ACSBG1: variants seen among roughly 807,000 people sequenced by gnomAD.
ACSBG1 encodes long-chain-fatty-acid--CoA ligase ACSBG1.
In ACSBG1, 39 loss-of-function variants were observed where a neutral mutation model predicts 80.2. That is an observed-to-expected ratio of 0.49 (90% CI 0.38 to 0.64). ACSBG1 has a LOEUF of 0.64. ACSBG1 is among the 30% of genes least tolerant of loss of function. The pLI, the probability that ACSBG1 is intolerant of heterozygous loss-of-function variation, is 0.00. For missense variants in ACSBG1, 828 were observed against 966.4 expected (o/e 0.86, Z 1.90); for synonymous variants, 392 against 379.5 (o/e 1.03, Z -0.38).
intron 1 of ACSBG1, among the ~76,000 whole-genome samples, chr15:78,224,032 CCCA>C (rs544708516): frequency 6.6e-6 from 1 of 152,058 alleles, no homozygotes; most frequent in Admixed American, 6.5e-5. Context: ...TTGACTTTAG[CCCA>C]CCGAAACCAA....
At position 78,194,580 on chromosome 15, in the gene ACSBG1, G is replaced by T. The variant is rs752554930; in HGVS notation, c.379C>A (p.Gln127Lys). ...TAGGAGATGTGTTCCCACTTGTCCT[G>T]GCGCTTGAAGCCCAAAGCGATGAGG... ...GDLIALGFKR[Q>K]DKWEHISYSQ... is the part of the protein sequence containing the mutation. The change falls in exon 3 of 14, where the codon CAG (glutamine) becomes AAG (lysine). Residue 127 changes from glutamine to lysine, a missense_variant. Gln to Lys is a moderately conservative substitution (Grantham distance 53). Transcript: ENST00000258873. 1 of 1,614,260 alleles carries T rather than the reference G, an allele frequency of 6.2e-7. No homozygotes were observed. The highest frequency in any genetic ancestry group is 1.6e-4 in the Middle Eastern group (1 of 6,062).
At chr15:78,218,779 T>C (rs1386355845) in intron 1 of ACSBG1, among the ~76,000 whole-genome samples, 4 of 122,872 alleles carry the variant, frequency 3.3e-5, no homozygotes, top group Non-Finnish European at 4.9e-5. Context: ...TGCATCTCCC[T>C]TTTTTTTTTT....
At chr15:78,207,145 C>A (rs542282421) in intron 2 of ACSBG1, among the ~76,000 whole-genome samples, 1 of 152,340 alleles carries the variant, frequency 6.6e-6, no homozygotes, top group South Asian at 2.1e-4. Context: ...CAAGCTGTCC[C>A]TGTTCCTGGC....
intron 11 of ACSBG1, among the ~76,000 whole-genome samples, chr15:78,175,252 A>C (rs760823222): frequency 6.6e-6 from 1 of 152,256 alleles, no homozygotes; most frequent in Non-Finnish European, 1.5e-5. Flanking sequence ...GATGGCAATA[A>C]ATTCAATAAA....
chr15:78,184,742 C>T (rs537880273), intron 5 of ACSBG1, among the ~76,000 whole-genome samples: 3 of 152,320 alleles, frequency 2.0e-5, no homozygotes, highest in South Asian at 2.1e-4. Flanking sequence ...TAACATCCAT[C>T]GTTGCACTGT....
At chr15:78,206,709 C>G (rs771096870) in intron 2 of ACSBG1, among the ~76,000 whole-genome samples, 3 of 152,176 alleles carry the variant, frequency 2.0e-5, no homozygotes, top group African/African-American at 4.8e-5. Context: ...GACTCCCTAC[C>G]CTGCTTGTTT....
At chr15:78,204,477 A>T (rs1054947422) in intron 2 of ACSBG1, among the ~76,000 whole-genome samples, 1 of 152,286 alleles carries the variant, frequency 6.6e-6, no homozygotes. Flanking sequence ...CCCACATGGC[A>T]GGGTCCTAGG....
intron 1 of ACSBG1, among the ~76,000 whole-genome samples, chr15:78,228,302 T>G (rs1018306041): frequency 1.3e-5 from 2 of 152,222 alleles, no homozygotes; most frequent in African/African-American, 4.8e-5. Flanking sequence ...CCACTGGCCC[T>G]AGATGAAACT....
chr15:78,174,364 G>C, intron 12 of ACSBG1, 21 bp downstream of exon 12: 2 of 1,614,128 alleles, frequency 1.2e-6, no homozygotes, highest in South Asian at 1.1e-5. Context: ...CTCCTTCTGA[G>C]CTGGAGCCCC....
Position 78,174,432 on chromosome 15 carries a change from GC to G in ACSBG1, c.1794del (p.Met598IlefsTer16), listed in dbSNP as rs1171209476. 2 of 1,614,208 alleles carry G rather than the reference GC, an allele frequency of 1.2e-6. No individual in the cohort carries two copies. Among genetic ancestry groups the G allele is most frequent in the East Asian group, 4.5e-5 (2 of 44,880 alleles). On this transcript the variant is annotated frameshift_variant, in exon 12 of 14. Coordinates refer to ENST00000258873, the MANE Select transcript of ACSBG1 (RefSeq NM_015162.5). LOFTEE classifies it high-confidence loss of function. The stretch of plus-strand genomic sequence containing the variant: ...AGGAACTTCCTCTGGTCCCCAATGA[GC>G]ATGGCGTTGCTGATGATGGGCAGCT... ...KMELPIISNAMLIGDQRKFLS... is the reference protein window; with the variant it reads ...KMELPIISNAXLIGDQRKFLS...
At chr15:78,231,670 C>T (rs1273930404) in intron 1 of ACSBG1, among the ~76,000 whole-genome samples, 2 of 152,058 alleles carry the variant, frequency 1.3e-5, no homozygotes, top group African/African-American at 4.8e-5. Context: ...CTCATTGCAG[C>T]CTCACACTCC....
intron 1 of ACSBG1, among the ~76,000 whole-genome samples, chr15:78,215,282 A>G (rs796232102): frequency 5.3e-4 from 81 of 152,310 alleles, no homozygotes; most frequent in African/African-American, 1.9e-3. Context: ...TGACGTTGGT[A>G]GAGAATGACA....
chr15:78,192,958 GT>G (rs2075069688), intron 5 of ACSBG1, among the ~76,000 whole-genome samples: 1 of 152,154 alleles, frequency 6.6e-6, no homozygotes, highest in Non-Finnish European at 1.5e-5. Context: ...CCAGTTAGGG[GT>G]GTGCCTTAGA....
In ACSBG1 at chr15:78,178,652, T is replaced by G. The variant is rs754604846; in HGVS notation, c.1664A>C (p.Asp555Ala). 2 of 1,613,844 alleles carry G rather than the reference T, an allele frequency of 1.2e-6. No individual in the cohort carries two copies. Among genetic ancestry groups the G allele is most frequent in the Non-Finnish European group, 1.7e-6 (2 of 1,179,956 alleles). The change falls in exon 11 of 14, where the codon GAC (aspartate) becomes GCC (alanine). Residue 555 changes from aspartate (D) to alanine (A), a missense_variant. Physicochemically the swap from Asp to Ala is moderately radical, Grantham distance 126. This residue lies in a region of ACSBG1 where 201 missense variants were observed against 227.0 expected (regional missense o/e 0.89). Transcript: ENST00000258873. This position sits in a 1 kb window ranked among gnomAD's most constrained non-coding sequence, Gnocchi z 4.3. ...AGTGATGTAGAGGAAGCCATCGGCG[T>G]CCAGGCGGCCAGCATCACCCGTGTG... ...WLHTGDAGRL[D>A]ADGFLYITGR...
chr15:78,171,566 G>C (rs1226255113), intron 13 of ACSBG1, 37 bp from the exon 14 acceptor site: 2 of 1,553,020 alleles, frequency 1.3e-6, no homozygotes, highest in African/African-American at 2.7e-5. Context: ...TGAGGCCCAG[G>C]CTCTGAGAAC....
In ACSBG1 at chr15:78,168,302, T is replaced by G. The variant is rs2074774893; in HGVS notation, c.*3142A>C. 6.6e-6 allele frequency: 1 copy of G among 151,956 alleles called. No homozygotes were observed. The highest frequency in any genetic ancestry group is 6.6e-5 in the Admixed American group (1 of 15,236). The allele number at this position is 151,956 out of a possible 1,614,324, so 9.4% of individuals were successfully genotyped here. ...AATGATTTAAATATTTCTTTCGTAT[T>G]TGTGTCCCAGCCTCCAAAAATAGAT... On this transcript the variant is annotated 3_prime_UTR_variant, in exon 14 of 14. Transcript: ENST00000258873.
chr15:78,209,348 C>A, intron 1 of ACSBG1: 2 of 436,208 alleles, frequency 4.6e-6, no homozygotes, highest in Non-Finnish European at 9.3e-6. Context: ...GCCGTTCTTG[C>A]GAAATTTGTG....
intron 1 of ACSBG1, among the ~76,000 whole-genome samples, chr15:78,220,845 A>G (rs541492187): frequency 6.6e-6 from 1 of 152,168 alleles, no homozygotes; most frequent in South Asian, 2.1e-4. Context: ...GAAATTAGAA[A>G]CCTCCTATAC....
chr15:78,231,915 C>T (rs1270542911), intron 1 of ACSBG1, among the ~76,000 whole-genome samples: 1 of 152,192 alleles, frequency 6.6e-6, no homozygotes, highest in African/African-American at 2.4e-5. Context: ...CAATGTTTTA[C>T]AAGAATTAAG....
Sources: allele counts gnomAD v4.1 joint callset (sites outside exome capture counted in the v4.1 genomes callset), GRCh38; gene constraint gnomAD v4.1.1; regional missense constraint gnomAD v4.1.1; non-coding constraint Gnocchi (gnomAD v3.1); transcripts MANE v1.5; gene names NCBI Gene and HGNC (gene_info 2026-07-23, HGNC 2026-07-21).